The following NKAIN2 variants were observed in gnomAD, a reference collection of about 807,000 sequenced individuals.
NKAIN2 encodes the protein sodium/potassium-transporting ATPase subunit beta-1-interacting protein 2.
In NKAIN2, 14 loss-of-function variants were observed where a neutral mutation model predicts 32.6. The observed-to-expected ratio is 0.43, with a 90% CI of 0.28 to 0.67. The LOEUF (loss-of-function observed/expected upper bound fraction) is 0.67, where lower values mean the gene tolerates loss of function less well. Among genes scored for constraint, NKAIN2 ranks in the 30% least tolerant of loss-of-function variants. The probability of loss-of-function intolerance (pLI) is 0.17; values close to 1 mark genes in which losing one functional copy is unlikely to be tolerated. For missense variants in NKAIN2, 198 were observed against 258.3 expected (o/e 0.77, Z 1.60); for synonymous variants, 80 against 87.2 (o/e 0.92, Z 0.46).
intron 3 of NKAIN2, among the ~76,000 whole-genome samples, chr6:124,502,134 G>A (rs1349006388): frequency 6.6e-6 from 1 of 151,814 alleles, no homozygotes; most frequent in Non-Finnish European, 1.5e-5. Context: ...ATAATATAAT[G>A]GGAAGATAGG....
intron 1 of NKAIN2, among the ~76,000 whole-genome samples, chr6:124,046,898 G>A (rs1368805829): frequency 6.6e-6 from 1 of 151,904 alleles, no homozygotes; most frequent in East Asian, 1.9e-4. Context: ...TCTAAATCCA[G>A]GAAAGTATAT....
chr6:123,950,154 G>A lies in NKAIN2; in HGVS notation c.54+145900G>A, dbSNP rs142388263. On this transcript the variant is annotated intron_variant, in intron 1 of 6. Coordinates refer to ENST00000368417, the MANE Select transcript of NKAIN2 (RefSeq NM_001040214.3). ...GGGATAAATCCCACTTGATCATGGT[G>A]TATTATCGTTTTAATGTGCTGTTGG... 3.5e-3 allele frequency among the ~76,000 whole-genome samples: 531 copies of A among 152,106 alleles called. 3 individuals are homozygous for A. The highest frequency in any genetic ancestry group is 0.012 in the African/African-American group (504 of 41,534).
chr6:124,097,694 A>C (rs1370309071), intron 1 of NKAIN2, among the ~76,000 whole-genome samples: 2 of 152,208 alleles, frequency 1.3e-5, no homozygotes, highest in Admixed American at 1.3e-4. Flanking sequence ...ACAAATGAGA[A>C]GTTCATAATT....
intron 4 of NKAIN2, among the ~76,000 whole-genome samples, chr6:124,739,146 T>A (rs372980858): frequency 7.2e-5 from 11 of 152,014 alleles, no homozygotes; most frequent in African/African-American, 2.6e-4. Context: ...CAAAGTTGAT[T>A]CTAATGATCT....
intron 3 of NKAIN2, among the ~76,000 whole-genome samples, chr6:124,383,223 C>T (rs1160304602): frequency 2.0e-5 from 3 of 152,182 alleles, no homozygotes; most frequent in Admixed American, 2.0e-4. Flanking sequence ...TATCCATCCT[C>T]ACAGTTGCTG....
At chr6:123,836,642 C>CAAA (rs112403636) in intron 1 of NKAIN2, among the ~76,000 whole-genome samples, 1 of 146,754 alleles carries the variant, frequency 6.8e-6, no homozygotes. Flanking sequence ...CATCCTGGAC[C>CAAA]AAAAAAAAAA....
chr6:124,239,120 A>T (rs1362757041), intron 1 of NKAIN2, among the ~76,000 whole-genome samples: 1 of 152,188 alleles, frequency 6.6e-6, no homozygotes, highest in Non-Finnish European at 1.5e-5. Flanking sequence ...AGTCTCTGAT[A>T]AAACAGACTT....
At chr6:124,393,954 A>G (rs1397209076) in intron 3 of NKAIN2, among the ~76,000 whole-genome samples, 1 of 152,172 alleles carries the variant, frequency 6.6e-6, no homozygotes, top group Non-Finnish European at 1.5e-5. Flanking sequence ...GATTAAAGTT[A>G]CACAGTTTCT....
Position 124,387,227 on chromosome 6 carries a change from A to G in NKAIN2, c.273+31880A>G, listed in dbSNP as rs985800781. On this transcript the variant is annotated intron_variant, in intron 3 of 6. Coordinates refer to ENST00000368417, the MANE Select transcript of NKAIN2 (RefSeq NM_001040214.3). ...GTTGATTTTACAATAGAAAAATGAT[A>G]AGCAAGCAGTGACATCATGTGTCTT... Among the ~76,000 whole-genome samples, 4 of 152,094 alleles carry G rather than the reference A, an allele frequency of 2.6e-5. No homozygotes were observed. In the South Asian group the frequency reaches 6.2e-4, roughly 24 times the overall value.
intron 1 of NKAIN2, among the ~76,000 whole-genome samples, chr6:124,268,820 T>C (rs1794621430): frequency 6.6e-6 from 1 of 152,072 alleles, no homozygotes; most frequent in African/African-American, 2.4e-5. Context: ...AACTTTGGGC[T>C]CTAGACAAAT....
chr6:123,941,760 A>G (rs1334951009), intron 1 of NKAIN2, among the ~76,000 whole-genome samples: 1 of 151,952 alleles, frequency 6.6e-6, no homozygotes, highest in Non-Finnish European at 1.5e-5. Context: ...AAGCCTGGAT[A>G]AAAGATGTAT....
At chr6:124,432,557 G>A (rs927642442) in intron 3 of NKAIN2, among the ~76,000 whole-genome samples, 16 of 152,226 alleles carry the variant, frequency 1.1e-4, no homozygotes, top group African/African-American at 2.6e-4. Flanking sequence ...ACAGTGAACC[G>A]TGATTGTGTC....
chr6:124,346,953 G>C (rs1329325302), intron 2 of NKAIN2, among the ~76,000 whole-genome samples: 1 of 152,196 alleles, frequency 6.6e-6, no homozygotes, highest in Non-Finnish European at 1.5e-5. Context: ...ATTTTGGCAT[G>C]ATTTTGCAGC....
At chr6:124,386,580 G>A (rs1006105855) in intron 3 of NKAIN2, among the ~76,000 whole-genome samples, 3 of 152,096 alleles carry the variant, frequency 2.0e-5, no homozygotes, top group Admixed American at 6.6e-5. Context: ...CAGCTGATCC[G>A]GGCGCAATGG....
At chr6:124,603,926 C>A (rs1007578719) in intron 3 of NKAIN2, among the ~76,000 whole-genome samples, 1 of 151,992 alleles carries the variant, frequency 6.6e-6, no homozygotes, top group African/African-American at 2.4e-5. Flanking sequence ...ACTGTAACTT[C>A]AAGGGGTTTT....
At chr6:124,344,485 G>C (rs9385321) in intron 2 of NKAIN2, among the ~76,000 whole-genome samples, 20,303 of 151,332 alleles carry the variant, frequency 0.13, 1,514 homozygotes, top group African/African-American at 0.2. Context: ...TCTTCCATTT[G>C]TTTGTATCCT....
intron 1 of NKAIN2, among the ~76,000 whole-genome samples, chr6:124,276,424 G>GT (rs1209635538): frequency 8.6e-5 from 13 of 151,796 alleles, no homozygotes; most frequent in African/African-American, 2.9e-4. Flanking sequence ...AAGCTCTGTG[G>GT]TTTGTCCTTT....
chr6:124,726,875 G>C (rs1177686586), intron 4 of NKAIN2, among the ~76,000 whole-genome samples: 1 of 122,744 alleles, frequency 8.1e-6, no homozygotes, highest in East Asian at 2.6e-4. Flanking sequence ...AGCTGATGGA[G>C]CTGAAAACCA....
intron 1 of NKAIN2, among the ~76,000 whole-genome samples, chr6:124,201,236 G>T (rs1790573349): frequency 6.6e-6 from 1 of 151,890 alleles, no homozygotes; most frequent in South Asian, 2.1e-4. Flanking sequence ...CATGGCATGT[G>T]GTGGGGGGGC....
Sources: allele counts gnomAD v4.1 joint callset (sites outside exome capture counted in the v4.1 genomes callset), GRCh38; gene constraint gnomAD v4.1.1; transcripts MANE v1.5; gene names NCBI Gene and HGNC (gene_info 2026-07-23, HGNC 2026-07-21).